Variants in XKR9 observed in about 807,000 individuals in gnomAD.
XKR9 encodes the protein XK-related protein 9.
In XKR9, 32 loss-of-function variants were observed where a neutral mutation model predicts 32.0. That is an observed-to-expected ratio of 1.00 (90% confidence interval 0.76 to 1.34). The LOEUF (loss-of-function observed/expected upper bound fraction) is 1.34. Among genes scored for constraint, XKR9 ranks in the 40% most tolerant of loss-of-function variants. The pLI is 0.00. For synonymous variants in XKR9, 168 were observed against 143.4 expected, an observed-to-expected ratio of 1.17 and a Z score of -1.22; for missense variants, 546 against 429.7, an observed-to-expected ratio of 1.27 and a Z score of -2.39.
the XKR9 span, among the ~76,000 whole-genome samples, chr8:70,867,864 G>A: frequency 1.3e-5 from 2 of 152,182 alleles, no homozygotes; most frequent in African/African-American, 4.8e-5. Flanking sequence ...ATCAAGAGCA[G>A]GTTAGTTACT....
At chr8:70,858,289 T>C in the XKR9 span, among the ~76,000 whole-genome samples, 15 of 152,232 alleles carry the variant, frequency 9.9e-5, no homozygotes, top group East Asian at 2.9e-3. Context: ...AAAATCAATG[T>C]GTAAAAATCA....
chr8:70,901,827 A>C, the XKR9 span, among the ~76,000 whole-genome samples: 47 of 152,298 alleles, frequency 3.1e-4, no homozygotes, highest in African/African-American at 1.1e-3. Context: ...ATCTTGAATT[A>C]GCTTTTGTGT....
rs1165634489 is a variant in XKR9 at position 70,749,659 on chromosome 8, G to C, written n.353-39680G>C. ...TCTGTGCCTGGCTCACCCTTGGCAG[G>C]CATGGGATCCAGGCCAGTAGTGTGA... On this transcript the variant is annotated intron_variant and non_coding_transcript_variant, in intron 2 of 3. Transcript: ENST00000520273. 1.4e-5 allele frequency among the ~76,000 whole-genome samples: 2 copies of C among 145,260 alleles called. 1 individual carries two copies. The highest frequency in any genetic ancestry group is 4.4e-4 in the South Asian group (2 of 4,590).
the XKR9 span, among the ~76,000 whole-genome samples, chr8:70,905,182 G>C: frequency 6.6e-6 from 1 of 151,984 alleles, no homozygotes; most frequent in South Asian, 2.1e-4. Context: ...TGCTAGGTTG[G>C]GATGTTCTCC....
chr8:71,021,955 T>G, the XKR9 span, among the ~76,000 whole-genome samples: 1 of 152,234 alleles, frequency 6.6e-6, no homozygotes, highest in African/African-American at 2.4e-5. Context: ...TCTAGGATTC[T>G]TATAGTTTGA....
At chr8:70,879,262 C>A in the XKR9 span, among the ~76,000 whole-genome samples, 1 of 151,736 alleles carries the variant, frequency 6.6e-6, no homozygotes, top group Admixed American at 6.6e-5. Flanking sequence ...GAAGCAAGAG[C>A]AAACAAACTC....
At chr8:70,913,399 A>G in the XKR9 span, among the ~76,000 whole-genome samples, 1 of 152,162 alleles carries the variant, frequency 6.6e-6, no homozygotes, top group Admixed American at 6.6e-5. Flanking sequence ...GAAATACTGA[A>G]AGGTACCAGT....
the XKR9 span, among the ~76,000 whole-genome samples, chr8:71,061,345 G>A: frequency 1.3e-5 from 2 of 152,100 alleles, no homozygotes; most frequent in African/African-American, 4.8e-5. Flanking sequence ...TTTAGACACT[G>A]GTCCTCTCAT....
At chr8:70,874,905 A>G in the XKR9 span, among the ~76,000 whole-genome samples, 1 of 152,130 alleles carries the variant, frequency 6.6e-6, no homozygotes, top group Non-Finnish European at 1.5e-5. Context: ...AATAGTTCCA[A>G]TCAAAATGTA....
chr8:70,918,768 CTT>C, the XKR9 span, among the ~76,000 whole-genome samples: 2 of 64,138 alleles, frequency 3.1e-5, no homozygotes, highest in Non-Finnish European at 5.9e-5. Context: ...TCATGGGATC[CTT>C]TTTTTTTTTT....
chr8:70,875,109 G>C, the XKR9 span, among the ~76,000 whole-genome samples: 5 of 152,262 alleles, frequency 3.3e-5, no homozygotes, highest in Non-Finnish European at 7.4e-5. Flanking sequence ...TTAACATAGA[G>C]GGAGGTCCTA....
At chr8:70,947,661 G>GT in the XKR9 span, among the ~76,000 whole-genome samples, 194 of 152,258 alleles carry the variant, frequency 1.3e-3, 1 homozygote, top group Middle Eastern at 6.8e-3. Context: ...CAAATACTTT[G>GT]TTTTTTACCT....
the XKR9 span, among the ~76,000 whole-genome samples, chr8:70,978,941 C>G: frequency 6.6e-6 from 1 of 152,066 alleles, no homozygotes; most frequent in South Asian, 2.1e-4. Context: ...TTTCTTTTTA[C>G]TCATTTTTCT....
At chr8:70,892,747 T>G in the XKR9 span, among the ~76,000 whole-genome samples, 1 of 152,216 alleles carries the variant, frequency 6.6e-6, no homozygotes, top group Non-Finnish European at 1.5e-5. Context: ...GACTCTATTC[T>G]CTTGCTGTTT....
chr8:70,727,192 A>G (rs764112082), intron 4 of XKR9, among the ~76,000 whole-genome samples: 1 of 152,022 alleles, frequency 6.6e-6, no homozygotes, highest in Admixed American at 6.6e-5. Flanking sequence ...TTTTAGTTCC[A>G]TTTTCCATGA....
intron 2 of XKR9, among the ~76,000 whole-genome samples, chr8:70,757,736 G>A (rs1185575561): frequency 6.6e-6 from 1 of 152,112 alleles, no homozygotes; most frequent in African/African-American, 2.4e-5. Context: ...ATAGGCACAT[G>A]CCACCATGCC....
rs369380402 is a variant in XKR9, at chr8:70,706,928, T to A, written c.273-5T>A. ...TAAAGAGAAATGTTTATGTTTACTT[T>A]ATAGGTATTGGTTTGCCTTAAAAAG... On this transcript the variant is annotated splice_region_variant and splice_polypyrimidine_tract_variant and intron_variant, in intron 3 of 4. Coordinates refer to ENST00000408926, the MANE Select transcript of XKR9 (RefSeq NM_001011720.2). 3.1e-6 allele frequency: 5 copies of A among 1,602,564 alleles called. No homozygotes were observed. In the African/African-American group the frequency reaches 6.7e-5, roughly 22 times the overall value.
chr8:71,061,149 A>G, the XKR9 span, among the ~76,000 whole-genome samples: 1 of 152,200 alleles, frequency 6.6e-6, no homozygotes, highest in African/African-American at 2.4e-5. Flanking sequence ...ATTCAAGGTG[A>G]TGGTCAAGGT....
chr8:70,842,832 G>A, the XKR9 span, among the ~76,000 whole-genome samples: 3 of 152,192 alleles, frequency 2.0e-5, no homozygotes, highest in African/African-American at 7.2e-5. Flanking sequence ...ACATTACTGA[G>A]CTTTTGAGGC....
Sources: gnomAD v4.1 joint callset for allele counts (sites outside exome capture counted in the v4.1 genomes callset) on GRCh38, gnomAD v4.1.1 for gene constraint, MANE v1.5 for transcripts, NCBI Gene and HGNC (gene_info 2026-07-23, HGNC 2026-07-21) for gene names.